Variants in SIPA1L1 observed in about 807,000 individuals in gnomAD.
SIPA1L1 encodes the protein signal-induced proliferation-associated 1-like protein 1.
Under a neutral mutation model 162.7 loss-of-function variants are expected in SIPA1L1, and 26 were observed. The ratio of observed to expected loss-of-function variants is 0.16; its 90% confidence interval spans 0.12 to 0.22. The LOEUF (loss-of-function observed/expected upper bound fraction) is 0.22, where lower values mean the gene tolerates loss of function less well. SIPA1L1 is among the 10% of genes least tolerant of loss of function. The pLI, the probability that SIPA1L1 is intolerant of heterozygous loss-of-function variation, is 1.00. For missense variants in SIPA1L1, 1,874 were observed against 2,241.0 expected (o/e 0.84, Z 3.31); for synonymous variants, 829 against 837.4 (o/e 0.99, Z 0.17).
At chr14:71,353,802 T>C (rs1017821596) in intron 2 of SIPA1L1, among the ~76,000 whole-genome samples, 1 of 152,084 alleles carries the variant, frequency 6.6e-6, no homozygotes, top group Non-Finnish European at 1.5e-5. Flanking sequence ...TAGTATTTAT[T>C]TTTATTTTTT....
chr14:71,597,412 TTTC>T (rs2036168121), intron 5 of SIPA1L1, among the ~76,000 whole-genome samples: 1 of 152,202 alleles, frequency 6.6e-6, no homozygotes, highest in Admixed American at 6.5e-5. Flanking sequence ...ATATTTTACT[TTTC>T]TTATTTTTCT....
intron 4 of SIPA1L1, among the ~76,000 whole-genome samples, chr14:71,552,540 C>T (rs369003472): frequency 9.8e-4 from 149 of 152,060 alleles, no homozygotes; most frequent in African/African-American, 3.4e-3. Flanking sequence ...TACAGGCGCC[C>T]GCCACCACGC....
At chr14:71,542,205 C>G (rs1455397378) in intron 4 of SIPA1L1, among the ~76,000 whole-genome samples, 4 of 152,124 alleles carry the variant, frequency 2.6e-5, no homozygotes, top group Non-Finnish European at 5.9e-5. Flanking sequence ...CCCCACTCAG[C>G]CTCCCAAGTA....
intron 2 of SIPA1L1, among the ~76,000 whole-genome samples, chr14:71,387,869 TA>T (rs2141292811): frequency 6.6e-6 from 1 of 152,334 alleles, no homozygotes; most frequent in Non-Finnish European, 1.5e-5. Flanking sequence ...AACATTTAAA[TA>T]AAAACCTAAG....
intron 22 of SIPA1L1, among the ~76,000 whole-genome samples, chr14:71,737,673 T>C (rs2085425166): frequency 2.0e-5 from 3 of 152,218 alleles, no homozygotes; most frequent in South Asian, 4.1e-4. Context: ...TTGATCAGAC[T>C]GGGACAGAAT....
At chr14:71,624,307 A>C in intron 7 of SIPA1L1, 71 bp downstream of exon 7, 1 of 1,285,250 alleles carries the variant, frequency 7.8e-7, no homozygotes, top group Non-Finnish European at 1.1e-6. Context: ...ACAGACCTTA[A>C]TGTTTCTTGT....
intron 2 of SIPA1L1, among the ~76,000 whole-genome samples, chr14:71,491,044 C>T (rs1398171414): frequency 6.6e-6 from 1 of 152,030 alleles, no homozygotes; most frequent in Non-Finnish European, 1.5e-5. Context: ...AAGTAGTTAC[C>T]CTTTTTAATC....
chr14:71,433,343 G>A (rs1403448567), intron 2 of SIPA1L1, among the ~76,000 whole-genome samples: 1 of 152,178 alleles, frequency 6.6e-6, no homozygotes, highest in Non-Finnish European at 1.5e-5. Flanking sequence ...TTGAGATAGT[G>A]CCTCATTCTC....
chr14:71,402,749 A>G (rs2041766532), intron 2 of SIPA1L1, among the ~76,000 whole-genome samples: 1 of 152,206 alleles, frequency 6.6e-6, no homozygotes, highest in Non-Finnish European at 1.5e-5. Flanking sequence ...GATGTAAAGA[A>G]TATGTGCCTG....
At chr14:71,578,519 CT>C (rs1322743495) in intron 4 of SIPA1L1, among the ~76,000 whole-genome samples, 1 of 152,190 alleles carries the variant, frequency 6.6e-6, no homozygotes, top group Non-Finnish European at 1.5e-5. Flanking sequence ...CAGAACTTGA[CT>C]AATAGCCTAC....
intron 13 of SIPA1L1, among the ~76,000 whole-genome samples, chr14:71,686,321 A>T (rs1596977308): frequency 6.6e-6 from 1 of 152,316 alleles, no homozygotes; most frequent in Non-Finnish European, 1.5e-5. Flanking sequence ...AGGTTGCCCT[A>T]GCACTTTTGT....
At chr14:71,523,216 C>T (rs56180634) in intron 3 of SIPA1L1, among the ~76,000 whole-genome samples, 31,262 of 151,588 alleles carry the variant, frequency 0.21, 3,467 homozygotes, top group Middle Eastern at 0.38. Context: ...TTCTCATTTA[C>T]ACATATATGC....
chr14:71,528,378 G>T (rs570053493), intron 3 of SIPA1L1, among the ~76,000 whole-genome samples: 1 of 152,174 alleles, frequency 6.6e-6, no homozygotes, highest in South Asian at 2.1e-4. Context: ...TTTTCAGCTG[G>T]GCGCAGTATC....
Position 71,599,460 on chromosome 14 carries a change from CTT to C in SIPA1L1, c.1498+10108_1498+10109del, listed in dbSNP as rs111750084. ...AGCCACCACGCTGGGCGATTTCATT[CTT>C]TTTTTTTTTTTTTTTTTAATCACCA... On this transcript the variant is annotated intron_variant, in intron 5 of 23. Coordinates refer to ENST00000381232, the MANE Select transcript of SIPA1L1 (RefSeq NM_001386936.1). Among the ~76,000 whole-genome samples the C allele has an allele frequency of 5.6e-3, 736 of 130,272 alleles. 9 individuals are homozygous for C. Among genetic ancestry groups the C allele is most frequent in the Non-Finnish European group, 3.3e-3 (204 of 61,672 alleles). The allele number at this position is 130,272 out of a possible 152,430, so 85.5% of individuals were successfully genotyped here.
intron 4 of SIPA1L1, among the ~76,000 whole-genome samples, chr14:71,570,152 C>T (rs1025234915): frequency 6.6e-6 from 1 of 152,212 alleles, no homozygotes; most frequent in African/African-American, 2.4e-5. Context: ...CCAACTAGAT[C>T]TCTACTTAGT....
In SIPA1L1 at chr14:71,587,843, C is replaced by T. The variant is rs1372223421; in HGVS notation, c.-30C>T. On this transcript the variant is annotated 5_prime_UTR_variant, in exon 5 of 24. Coordinates refer to ENST00000381232, the MANE Select transcript of SIPA1L1 (RefSeq NM_001386936.1). ...AACACAGATATGATGGTCCTTGCTGCAGGGATTTAAGTCTACTTGCTTTTA... is the reference window on the plus strand; with the variant it reads ...AACACAGATATGATGGTCCTTGCTGTAGGGATTTAAGTCTACTTGCTTTTA... 6.3e-7 allele frequency: 1 copy of T among 1,576,560 alleles called. No homozygotes were observed. Among genetic ancestry groups the T allele is most frequent in the Non-Finnish European group, 8.7e-7 (1 of 1,154,448 alleles).
At chr14:71,458,937 G>A (rs2046379999) in intron 2 of SIPA1L1, among the ~76,000 whole-genome samples, 1 of 152,200 alleles carries the variant, frequency 6.6e-6, no homozygotes, top group Admixed American at 6.5e-5. Context: ...GCTGGGCATG[G>A]TGGTGTGCTC....
chr14:71,492,009 T>A (rs1044828114), intron 2 of SIPA1L1, among the ~76,000 whole-genome samples: 5 of 152,130 alleles, frequency 3.3e-5, no homozygotes, highest in African/African-American at 9.7e-5. Context: ...TGTCACCTAA[T>A]GATTTGACTG....
intron 5 of SIPA1L1, among the ~76,000 whole-genome samples, chr14:71,596,614 T>C (rs1596330023): frequency 6.6e-6 from 1 of 152,348 alleles, no homozygotes; most frequent in East Asian, 1.9e-4. Flanking sequence ...TTAGCATCTA[T>C]TTTGTGCCAG....
Sources: gnomAD v4.1 joint callset for allele counts (sites outside exome capture counted in the v4.1 genomes callset) on GRCh38, gnomAD v4.1.1 for gene constraint, MANE v1.5 for transcripts, NCBI Gene and HGNC (gene_info 2026-07-23, HGNC 2026-07-21) for gene names.